Variants in LGALS8 observed in about 807,000 individuals in gnomAD.
LGALS8 encodes the protein galectin-8.
Under a neutral mutation model 35.9 loss-of-function variants are expected in LGALS8, and 30 were observed. That is an observed-to-expected ratio of 0.83 (90% CI 0.62 to 1.13). The LOEUF is 1.13. Ranked by LOEUF, LGALS8 falls within the 50% of genes most tolerant of loss-of-function variation. The pLI, the probability that LGALS8 is intolerant of heterozygous loss-of-function variation, is 0.00. For missense variants in LGALS8, 366 were observed against 388.7 expected, an observed-to-expected ratio of 0.94 and a Z score of 0.49; for synonymous variants, 138 against 136.1, an observed-to-expected ratio of 1.01 and a Z score of -0.10.
Position 236,551,849 on chromosome 1 carries a change from T to G in LGALS8, c.*3688T>G. On this transcript the variant is annotated 3_prime_UTR_variant, in exon 10 of 10. Transcript: ENST00000366584. ...CTCAAAACAGGAGCTCGAGCCTGCC[T>G]GTATTTGAGACTGGAGCTGCCTGTA... 2 of 594,028 alleles carry G rather than the reference T, an allele frequency of 3.4e-6. No homozygotes were observed. The highest frequency in any genetic ancestry group is 5.9e-6 in the Non-Finnish European group (2 of 336,266). 36.8% of individuals were successfully genotyped at this position (594,028 alleles called of 1,614,324 possible). A position where few individuals can be genotyped will look rare whatever the true frequency, so the allele number is the denominator to read the frequency against.
rs778977647 is a variant in LGALS8, at chr1:236,550,993, A to T, written c.*2832A>T. Reference sequence around the variant, plus strand: ...ATGTTCTACTTCTTCACATTCATCTAAAAAAAAAAAAAAAAAATCAAAATT... The same window carrying T: ...ATGTTCTACTTCTTCACATTCATCTTAAAAAAAAAAAAAAAAATCAAAATT... On this transcript the variant is annotated 3_prime_UTR_variant, in exon 10 of 10. Coordinates refer to ENST00000366584, the MANE Select transcript of LGALS8 (RefSeq NM_201544.4). 2.3e-4 allele frequency: 141 copies of T among 623,740 alleles called. No homozygotes were observed. Among genetic ancestry groups the T allele is most frequent in the African/African-American group, 6.6e-4 (8 of 12,120 alleles). The allele number at this position is 623,740 out of a possible 1,614,324, so 38.6% of individuals were successfully genotyped here.
At chr1:236,538,530 G>C (rs1264109568) in intron 3 of LGALS8, among the ~76,000 whole-genome samples, 1 of 152,216 alleles carries the variant, frequency 6.6e-6, no homozygotes, top group Non-Finnish European at 1.5e-5. Flanking sequence ...CTGGACAAAA[G>C]GCAAGTGCTT....
Position 236,548,828 on chromosome 1 carries a change from A to G in LGALS8, c.*667A>G. 1 of 397,824 alleles carries G rather than the reference A, an allele frequency of 2.5e-6. No homozygotes were observed. The highest frequency in any genetic ancestry group is 4.4e-5 in the Admixed American group (1 of 22,734). 24.6% of individuals were successfully genotyped at this position (397,824 alleles called of 1,614,324 possible). On this transcript the variant is annotated 3_prime_UTR_variant, in exon 10 of 10. Transcript: ENST00000366584. Reference sequence around the variant, plus strand: ...TATTAGCTGCAAGCTTTACCAAGTAATTGGCATGACATCTGAGCACAGAAA... The same window carrying G: ...TATTAGCTGCAAGCTTTACCAAGTAGTTGGCATGACATCTGAGCACAGAAA...
At chr1:236,519,948 ATTTTTTTTTTT>A (rs35589317), upstream of LGALS8, among the ~76,000 whole-genome samples, 6 of 109,446 alleles carry the variant, frequency 5.5e-5, no homozygotes, top group East Asian at 2.4e-4. Context: ...GTTTTGTACA[ATTTTTTTTTTT>A]TTTTTTTTTT....
intron 2 of LGALS8, among the ~76,000 whole-genome samples, chr1:236,531,838 TA>T (rs1243308444): frequency 6.6e-6 from 1 of 152,188 alleles, no homozygotes; most frequent in Non-Finnish European, 1.5e-5. Context: ...CATAGAGTTG[TA>T]CTTGTGCCTA....
intron 6 of LGALS8, 83 bp downstream of exon 6, chr1:236,541,793 G>A (rs1400323434): frequency 1.4e-6 from 1 of 694,416 alleles, no homozygotes; most frequent in African/African-American, 1.9e-5. Context: ...AGAAGGCTGG[G>A]TTTTTGAAAA....
chr1:236,533,068 C>T (rs1661240485), intron 2 of LGALS8, among the ~76,000 whole-genome samples: 1 of 152,172 alleles, frequency 6.6e-6, no homozygotes, highest in African/African-American at 2.4e-5. Context: ...ATTTCACCCC[C>T]ACTGGACTGT....
Position 236,550,997 on chromosome 1 carries a change from A to AAC in LGALS8, c.*2837_*2838insCA. 1 of 1,552,092 alleles carries AAC rather than the reference A, an allele frequency of 6.4e-7. No homozygotes were observed. Among genetic ancestry groups the AAC allele is most frequent in the Non-Finnish European group, 8.6e-7 (1 of 1,156,708 alleles). On this transcript the variant is annotated 3_prime_UTR_variant, in exon 10 of 10. Transcript: ENST00000366584. Reference sequence around the variant, plus strand: ...TCTACTTCTTCACATTCATCTAAAAAAAAAAAAAAAAAATCAAAATTAAAA... The same window carrying AAC: ...TCTACTTCTTCACATTCATCTAAAAAACAAAAAAAAAAAAATCAAAATTAAAA...
At chr1:236,541,752 TTG>T in intron 6 of LGALS8, 42 bp downstream of exon 6, 2 of 1,025,584 alleles carry the variant, frequency 2.0e-6, no homozygotes, top group Non-Finnish European at 2.9e-6. Context: ...TTTAAAAATG[TTG>T]TTTTAGCTGC....
Position 236,548,943 on chromosome 1 carries a change from C to CTT in LGALS8, c.*783_*784dup, listed in dbSNP as rs1662579933. The CTT allele has an allele frequency of 5.0e-6, 2 of 398,250 alleles. No homozygotes were observed. Among genetic ancestry groups the CTT allele is most frequent in the African/African-American group, 4.1e-5 (2 of 48,506 alleles). 24.7% of individuals were successfully genotyped at this position (398,250 alleles called of 1,614,324 possible). A position where few individuals can be genotyped will look rare whatever the true frequency, so the allele number is the denominator to read the frequency against. ...GGCAGCTGATTTCTGTGTATTTGAACTTAGGGCAAATCAGAGTCTACACAG... is the reference window on the plus strand; with the variant it reads ...GGCAGCTGATTTCTGTGTATTTGAACTTTTAGGGCAAATCAGAGTCTACACAG... On this transcript the variant is annotated 3_prime_UTR_variant, in exon 10 of 10. Coordinates refer to ENST00000366584, the MANE Select transcript of LGALS8 (RefSeq NM_201544.4).
chr1:236,542,262 C>T (rs1662050182), intron 6 of LGALS8: 1 of 171,280 alleles, frequency 5.8e-6, no homozygotes, highest in Non-Finnish European at 1.2e-5. Context: ...GGGGGGATTG[C>T]TTGAGCCTAG....
At chr1:236,538,124 C>T (rs1417873127) in intron 3 of LGALS8, among the ~76,000 whole-genome samples, 1 of 105,796 alleles carries the variant, frequency 9.5e-6, no homozygotes, top group Admixed American at 9.4e-5. Context: ...TTAGGTATGT[C>T]ATTAAAGAAA....
intron 3 of LGALS8, among the ~76,000 whole-genome samples, chr1:236,537,941 A>AT (rs1661662309): frequency 1.0e-5 from 1 of 98,740 alleles, no homozygotes. Flanking sequence ...CTGTAAAAAA[A>AT]AAAAAAATTT....
intron 8 of LGALS8, 39 bp from the exon 9 acceptor site, chr1:236,544,711 G>A: frequency 6.7e-7 from 1 of 1,489,990 alleles, no homozygotes; most frequent in South Asian, 1.2e-5. Flanking sequence ...TGTCCTACTT[G>A]GTTAATTAAG....
chr1:236,540,939 C>T (rs1246853652), intron 5 of LGALS8, among the ~76,000 whole-genome samples: 2 of 152,164 alleles, frequency 1.3e-5, no homozygotes, highest in African/African-American at 4.8e-5. Flanking sequence ...CAGCTATTTC[C>T]TTTGCATGGG....
Position 236,542,761 on chromosome 1 carries a change from G to A in LGALS8, c.523G>A (p.Val175Ile), listed in dbSNP as rs1228431724. 6.2e-7 allele frequency: 1 copy of A among 1,613,946 alleles called. No homozygotes were observed. Among genetic ancestry groups the A allele is most frequent in the African/African-American group, 1.3e-5 (1 of 74,978 alleles). ...LELTEISRENVPKSGTPQLRL... is the reference protein window; with the variant it reads ...LELTEISRENIPKSGTPQLRL... ...TTGTGTTTTGTTTCTTTTCCAATAGGTTCCAAAGTCTGGCACGCCCCAGCT... is the reference window on the plus strand; with the variant it reads ...TTGTGTTTTGTTTCTTTTCCAATAGATTCCAAAGTCTGGCACGCCCCAGCT... Residue 175 changes from valine (V) to isoleucine (I), a missense_variant and splice_region_variant, in exon 7 of 10, where the codon GTT becomes ATT. Physicochemically the swap from Val to Ile is conservative, Grantham distance 29. Transcript: ENST00000366584.
intron 2 of LGALS8, among the ~76,000 whole-genome samples, chr1:236,531,551 T>G (rs1170181743): frequency 6.6e-6 from 1 of 152,096 alleles, no homozygotes; most frequent in Non-Finnish European, 1.5e-5. Flanking sequence ...GGTCTCGATC[T>G]CCTGACCTTG....
chr1:236,544,765 A>G lies in LGALS8; in HGVS notation c.654A>G (p.Leu218=), dbSNP rs375244910. The change falls in exon 9 of 10, where the codon CTA becomes CTG. Residue 218 remains leucine (L), a synonymous_variant. Transcript: ENST00000366584. The part of the protein sequence containing the change: ...NANAKSFNVD[L]LAGKSKDIAL... ...TTCTCAAAAGCTTTAATGTTGACCTACTAGCAGGAAAATCAAAGGATATTG... is the reference window on the plus strand; with the variant it reads ...TTCTCAAAAGCTTTAATGTTGACCTGCTAGCAGGAAAATCAAAGGATATTG... The G allele has an allele frequency of 4.4e-6, 7 of 1,604,036 alleles. No individual in the cohort carries two copies. In the African/African-American group the frequency reaches 8.1e-5, roughly 18 times the overall value.
chr1:236,522,548 G>C (rs570742673), upstream of LGALS8, among the ~76,000 whole-genome samples: 8 of 152,316 alleles, frequency 5.3e-5, no homozygotes, highest in South Asian at 1.4e-3. Context: ...TCTCAAAGTG[G>C]CGGGGCTGGG....
Sources: allele counts gnomAD v4.1 joint callset (sites outside exome capture counted in the v4.1 genomes callset), GRCh38; gene constraint gnomAD v4.1.1; transcripts MANE v1.5; gene names NCBI Gene and HGNC (gene_info 2026-07-23, HGNC 2026-07-21).